Variants in DLGAP1 observed in about 807,000 individuals in gnomAD.
The protein encoded by DLGAP1 is disks large-associated protein 1.
DLGAP1 carries 11 observed loss-of-function variants against 90.8 expected under a neutral mutation model. That is an observed-to-expected ratio of 0.12 (90% CI 0.08 to 0.20). The LOEUF is 0.20. DLGAP1 is among the 10% of genes least tolerant of loss of function. The pLI, the probability that DLGAP1 is intolerant of heterozygous loss-of-function variation, is 1.00. For synonymous variants in DLGAP1, 558 were observed against 540.7 expected (o/e 1.03, Z -0.44); for missense variants, 1,050 against 1,333.8 (o/e 0.79, Z 3.31).
intron 3 of DLGAP1, among the ~76,000 whole-genome samples, chr18:4,003,697 G>T (rs562066976): frequency 6.6e-6 from 1 of 152,260 alleles, no homozygotes; most frequent in South Asian, 2.1e-4. Context: ...GAAGGCAGAG[G>T]GGCTGGGAAG....
intron 7 of DLGAP1, among the ~76,000 whole-genome samples, chr18:3,626,790 C>T (rs915625635): frequency 4.0e-5 from 6 of 151,192 alleles, no homozygotes; most frequent in Admixed American, 2.0e-4. Context: ...CCCAGCTACT[C>T]GGGAGGCTGA....
intron 1 of DLGAP1, among the ~76,000 whole-genome samples, chr18:4,282,278 G>C (rs1325283507): frequency 1.3e-5 from 2 of 151,520 alleles, no homozygotes; most frequent in East Asian, 1.9e-4. Flanking sequence ...GCAGGAGAAT[G>C]GCATGAACCT....
intron 2 of DLGAP1, among the ~76,000 whole-genome samples, chr18:4,125,243 CAT>C (rs1277114781): frequency 3.9e-5 from 6 of 152,144 alleles, no homozygotes; most frequent in Non-Finnish European, 8.8e-5. Context: ...CACAGCAGTG[CAT>C]ATGTTTGAAA....
intron 1 of DLGAP1, among the ~76,000 whole-genome samples, chr18:4,258,660 G>C (rs531330285): frequency 2.0e-5 from 3 of 152,176 alleles, no homozygotes; most frequent in African/African-American, 4.8e-5. Flanking sequence ...TTGTGAGTTG[G>C]ATAAAATTAA....
chr18:3,938,621 T>C (rs1236863975), intron 3 of DLGAP1, among the ~76,000 whole-genome samples: 2 of 152,156 alleles, frequency 1.3e-5, no homozygotes, highest in African/African-American at 4.8e-5. Flanking sequence ...GAATGTCAGA[T>C]AGATGGTATT....
chr18:3,911,216 T>G (rs2072026383), intron 3 of DLGAP1, among the ~76,000 whole-genome samples: 1 of 152,208 alleles, frequency 6.6e-6, no homozygotes, highest in South Asian at 2.1e-4. Flanking sequence ...TAGGATGAAG[T>G]CTGGATCTTA....
chr18:4,111,348 A>C (rs2075969020), intron 2 of DLGAP1, among the ~76,000 whole-genome samples: 1 of 152,086 alleles, frequency 6.6e-6, no homozygotes, highest in Non-Finnish European at 1.5e-5. Context: ...TATATTCATA[A>C]GGGATATTAG....
At chr18:4,105,075 A>AT (rs1329285148) in intron 2 of DLGAP1, among the ~76,000 whole-genome samples, 2 of 152,198 alleles carry the variant, frequency 1.3e-5, no homozygotes, top group Non-Finnish European at 2.9e-5. Context: ...CACAGAGATG[A>AT]GTCAAACAAG....
intron 7 of DLGAP1, among the ~76,000 whole-genome samples, chr18:3,702,209 G>T (rs940953783): frequency 1.3e-5 from 2 of 152,008 alleles, no homozygotes; most frequent in African/African-American, 2.4e-5. Flanking sequence ...CTGCCACCAC[G>T]CCCGGCATGA....
rs1434788495 is a variant in DLGAP1, at chr18:3,790,560, G to A, written c.1172+23499C>T. Among the ~76,000 whole-genome samples the A allele has an allele frequency of 2.0e-5, 3 of 152,250 alleles. No individual in the cohort carries two copies. The East Asian group carries it at 5.8e-4, about 29-fold the overall frequency. On this transcript the variant is annotated intron_variant, in intron 5 of 12. Coordinates refer to ENST00000315677, the MANE Select transcript of DLGAP1 (RefSeq NM_004746.4). ...TAGGATTACAAGCATCAGGCATTGT[G>A]CCTGGCCAGTCTTTGTTTCTTTAAT...
In DLGAP1 at chr18:3,517,057, GT is replaced by G. The variant is rs2050886105; in HGVS notation, c.2480-8397del. On this transcript the variant is annotated intron_variant, in intron 10 of 12. Coordinates refer to ENST00000315677, the MANE Select transcript of DLGAP1 (RefSeq NM_004746.4). The surrounding 1 kb of genome is among the most constrained non-coding windows in gnomAD (Gnocchi z 4.1). Reference sequence around the variant, plus strand: ...CATAGGTCTCAACAGTAGGCTTAAAGTGTACAGTAAACCATGCTGTGAATAG... The same window carrying G: ...CATAGGTCTCAACAGTAGGCTTAAAGGTACAGTAAACCATGCTGTGAATAG... 6.6e-6 allele frequency among the ~76,000 whole-genome samples: 1 copy of G among 152,206 alleles called. No individual in the cohort carries two copies.
intron 3 of DLGAP1, among the ~76,000 whole-genome samples, chr18:3,928,390 T>A (rs551469890): frequency 1.1e-4 from 16 of 152,222 alleles, no homozygotes; most frequent in Non-Finnish European, 1.8e-4. Context: ...AAGTTCATTA[T>A]GTGCCTTCAA....
At chr18:4,405,345 A>G (rs577042695) in intron 1 of DLGAP1, among the ~76,000 whole-genome samples, 1 of 152,266 alleles carries the variant, frequency 6.6e-6, no homozygotes, top group East Asian at 1.9e-4. Context: ...AATACCTCCT[A>G]TGTCATTTTA....
chr18:3,772,863 A>G (rs1437321849), intron 5 of DLGAP1, among the ~76,000 whole-genome samples: 1 of 152,132 alleles, frequency 6.6e-6, no homozygotes, highest in East Asian at 1.9e-4. Context: ...CTAAAGTTTG[A>G]AAAGACCAAC....
chr18:3,549,424 C>T (rs563984307), intron 9 of DLGAP1, among the ~76,000 whole-genome samples: 6 of 151,690 alleles, frequency 4.0e-5, no homozygotes, highest in Non-Finnish European at 8.8e-5. Flanking sequence ...CCTCCGCCTC[C>T]CAGGTTCAAG....
intron 8 of DLGAP1, among the ~76,000 whole-genome samples, chr18:3,572,069 G>GTGTT (rs2054824742): frequency 1.9e-5 from 2 of 105,620 alleles, no homozygotes; most frequent in Non-Finnish European, 3.7e-5. Flanking sequence ...TTTCTTCTAG[G>GTGTT]TTTTTTTTTT....
At chr18:3,852,018 G>C (rs2069371332) in intron 4 of DLGAP1, among the ~76,000 whole-genome samples, 1 of 152,090 alleles carries the variant, frequency 6.6e-6, no homozygotes, top group South Asian at 2.1e-4. Flanking sequence ...AAAAGATAAA[G>C]AAGGATTAGA....
In DLGAP1 at chr18:3,830,497, C is replaced by T. The variant is rs781323997; in HGVS notation, c.958-16224G>A. On this transcript the variant is annotated intron_variant, in intron 4 of 12. Transcript: ENST00000315677. ...AGAAGAATACCTTGAACCCGGGAGG[C>T]GGAGGTTGCAGGGAGCCGAGATCTT... Among the ~76,000 whole-genome samples the T allele has an allele frequency of 4.6e-5, 7 of 152,270 alleles. 1 individual carries two copies. Among genetic ancestry groups the T allele is most frequent in the South Asian group, 4.1e-4 (2 of 4,830 alleles).
chr18:3,591,644 A>G lies in DLGAP1; in HGVS notation c.1592-9396T>C, dbSNP rs144200342. Among the ~76,000 whole-genome samples, 1,342 of 152,130 alleles carry G rather than the reference A, an allele frequency of 8.8e-3. 19 individuals carry two copies. The highest frequency in any genetic ancestry group is 0.029 in the African/African-American group (1,213 of 41,536). On this transcript the variant is annotated intron_variant, in intron 7 of 12. Coordinates refer to ENST00000315677, the MANE Select transcript of DLGAP1 (RefSeq NM_004746.4). Reference sequence around the variant, plus strand: ...CTGAAGCCCAAAAGATTGAGGTTGCAGTGAGCCAAGATCACACCACTCCAG... The same window carrying G: ...CTGAAGCCCAAAAGATTGAGGTTGCGGTGAGCCAAGATCACACCACTCCAG...
Sources: gnomAD v4.1 joint callset for allele counts (sites outside exome capture counted in the v4.1 genomes callset) on GRCh38, gnomAD v4.1.1 for gene constraint, Gnocchi (gnomAD v3.1) non-coding constraint, MANE v1.5 for transcripts, NCBI Gene and HGNC (gene_info 2026-07-23, HGNC 2026-07-21) for gene names.